The following FBLN7 variants were observed in gnomAD, a reference collection of about 807,000 sequenced individuals.
FBLN7 encodes the protein fibulin 7.
FBLN7 carries 31 observed loss-of-function variants against 44.0 expected under a neutral mutation model. The observed-to-expected ratio is 0.70, with a 90% CI of 0.53 to 0.95. The LOEUF (loss-of-function observed/expected upper bound fraction) is 0.95. Among genes scored for constraint, FBLN7 ranks in the 40% least tolerant of loss-of-function variants. The pLI is 0.00. For synonymous variants in FBLN7, 262 were observed against 253.4 expected (o/e 1.03, Z -0.32); for missense variants, 573 against 618.5 (o/e 0.93, Z 0.78).
At chr2:112,183,230 A>G (rs1683090698) in intron 6 of FBLN7, among the ~76,000 whole-genome samples, 1 of 152,208 alleles carries the variant, frequency 6.6e-6, no homozygotes, top group African/African-American at 2.4e-5. Flanking sequence ...TCCTTCAGCT[A>G]GGGCTGGGCC....
At chr2:112,196,743 A>G in the FBLN7 span, among the ~76,000 whole-genome samples, 1 of 152,072 alleles carries the variant, frequency 6.6e-6, no homozygotes, top group Non-Finnish European at 1.5e-5. Context: ...TCTCAAAAAG[A>G]TATGTTTATG....
At chr2:112,211,954 CCTT>C in the FBLN7 span, 1 of 152,160 alleles carries the variant, frequency 6.6e-6, no homozygotes, top group African/African-American at 2.4e-5. Context: ...GTTTTCTGCT[CCTT>C]ATTATGAAAA....
chr2:112,160,868 T>A (rs1206250860), intron 2 of FBLN7, among the ~76,000 whole-genome samples: 3 of 137,736 alleles, frequency 2.2e-5, no homozygotes, highest in Non-Finnish European at 4.8e-5. Context: ...ACACACACAC[T>A]CAGCCCGAGC....
intron 1 of FBLN7, chr2:112,151,552 G>T (rs1039070942): frequency 2.0e-5 from 3 of 152,196 alleles, no homozygotes; most frequent in African/African-American, 7.2e-5. Flanking sequence ...AGAATAAAGG[G>T]AAACTCCTCA....
At chr2:112,160,152 G>A (rs1014818775) in intron 2 of FBLN7, among the ~76,000 whole-genome samples, 5 of 152,192 alleles carry the variant, frequency 3.3e-5, no homozygotes, top group East Asian at 1.9e-4. Context: ...CACCACGCCC[G>A]GCTAATTTTT....
chr2:112,182,456 C>T (rs572088675), intron 5 of FBLN7, among the ~76,000 whole-genome samples: 1 of 152,348 alleles, frequency 6.6e-6, no homozygotes, highest in East Asian at 1.9e-4. Context: ...TTAACCCATC[C>T]CTACTTTCTG....
intron 2 of FBLN7, among the ~76,000 whole-genome samples, chr2:112,162,658 G>A (rs997397104): frequency 6.6e-6 from 1 of 152,198 alleles, no homozygotes; most frequent in Non-Finnish European, 1.5e-5. Context: ...TGTCACTAGA[G>A]AAGGGCCTTC....
At chr2:112,171,626 T>C (rs552954240) in intron 3 of FBLN7, among the ~76,000 whole-genome samples, 118 of 152,354 alleles carry the variant, frequency 7.7e-4, no homozygotes, top group African/African-American at 2.6e-3. Flanking sequence ...GAAAAAAAGA[T>C]GAATTTCCTT....
chr2:112,238,501 T>G, the FBLN7 span: 1 of 1,610,962 alleles, frequency 6.2e-7, no homozygotes, highest in African/African-American at 1.3e-5. Context: ...TGCAGCGAAC[T>G]TTTTGGTGAT....
chr2:112,187,204 C>T lies in FBLN7; in HGVS notation c.1018C>T (p.His340Tyr). The T allele has an allele frequency of 1.2e-6, 2 of 1,614,196 alleles. No homozygotes were observed. The highest frequency in any genetic ancestry group is 1.7e-6 in the Non-Finnish European group (2 of 1,180,044). ...CCATCTGCCCAAGACCATCTCCTTC[C>T]ATTACCTCTCTCTGCCTTCCAACCT... ...CRHLPKTISF[H>Y]YLSLPSNLKT... Residue 340 changes from histidine (H) to tyrosine (Y), a missense_variant, in exon 8 of 8, where the codon CAT becomes TAT. His to Tyr is a moderately conservative substitution (Grantham distance 83, BLOSUM62 2). Transcript: ENST00000331203. This position sits in a 1 kb window ranked among gnomAD's most constrained non-coding sequence, Gnocchi z 5.1.
chr2:112,238,049 A>G, the FBLN7 span, among the ~76,000 whole-genome samples: 1 of 152,214 alleles, frequency 6.6e-6, no homozygotes, highest in South Asian at 2.1e-4. Context: ...CCAGGGCTTT[A>G]GCATTCTCCC....
At chr2:112,178,021 T>C (rs1682810348) in intron 4 of FBLN7, 1 of 140,662 alleles carries the variant, frequency 7.1e-6, no homozygotes, top group African/African-American at 2.6e-5. Context: ...AAAAAAAAAA[T>C]AGCAGGGTGT....
At chr2:112,160,387 G>A (rs1315530542) in intron 2 of FBLN7, among the ~76,000 whole-genome samples, 11 of 152,156 alleles carry the variant, frequency 7.2e-5, no homozygotes, top group South Asian at 6.2e-4. Flanking sequence ...CAGCCTCAAT[G>A]TCACCCCTTT....
rs1439008940 is a variant in FBLN7, at chr2:112,138,481, G to C, written c.-175G>C. ...ACCCTCGCAAGGCCCGGGCGGCGCC[G>C]ATCCCCGCGGGACGCGCTGCGCTCG... On this transcript the variant is annotated 5_prime_UTR_variant, in exon 1 of 8. Transcript: ENST00000331203. 10 of 695,744 alleles carry C rather than the reference G, an allele frequency of 1.4e-5. No individual in the cohort carries two copies. Among genetic ancestry groups the C allele is most frequent in the Non-Finnish European group, 2.0e-5 (10 of 505,030 alleles). The allele number at this position is 695,744 out of a possible 1,614,324, so 43.1% of individuals were successfully genotyped here.
intron 1 of FBLN7, among the ~76,000 whole-genome samples, chr2:112,147,088 G>C (rs1416515203): frequency 6.6e-6 from 1 of 152,106 alleles, no homozygotes; most frequent in Non-Finnish European, 1.5e-5. Context: ...TAATAAGGTG[G>C]ATTTTCTGTC....
At chr2:112,146,119 G>A (rs1253730783) in intron 1 of FBLN7, among the ~76,000 whole-genome samples, 1 of 152,298 alleles carries the variant, frequency 6.6e-6, no homozygotes, top group Non-Finnish European at 1.5e-5. Flanking sequence ...TCAGGAGTCC[G>A]AGACCAGCCT....
At chr2:112,220,997 CCTCT>C in the FBLN7 span, among the ~76,000 whole-genome samples, 18 of 152,108 alleles carry the variant, frequency 1.2e-4, no homozygotes, top group Non-Finnish European at 2.4e-4. Flanking sequence ...TGAATGTTGG[CCTCT>C]CTAACAAGGT....
At position 112,159,383 on chromosome 2, in the gene FBLN7, C is replaced by T. The variant is rs117061161; in HGVS notation, c.76-293C>T. On this transcript the variant is annotated intron_variant, in intron 1 of 7. Transcript: ENST00000331203. ...CTTAGAGTGAAGAATTAGAGAGAAT[C>T]TCTCAGAGTGGCAGCGTGGTGATTA... Among the ~76,000 whole-genome samples the T allele has an allele frequency of 1.1e-3, 160 of 152,290 alleles. 2 individuals are homozygous for T. In the East Asian group the frequency reaches 0.019, roughly 18 times the overall value.
intron 6 of FBLN7, 83 bp from the exon 7 acceptor site, chr2:112,185,118 C>T: frequency 6.5e-7 from 1 of 1,533,746 alleles, no homozygotes; most frequent in Non-Finnish European, 8.9e-7. Flanking sequence ...CATTACAGGA[C>T]CTGCAGGGCC....
Sources: gnomAD v4.1 joint callset for allele counts (sites outside exome capture counted in the v4.1 genomes callset) on GRCh38, gnomAD v4.1.1 for gene constraint, Gnocchi (gnomAD v3.1) non-coding constraint, MANE v1.5 for transcripts, NCBI Gene and HGNC (gene_info 2026-07-23, HGNC 2026-07-21) for gene names.